FBXL17: variants seen among roughly 807,000 people sequenced by gnomAD.
FBXL17 encodes the protein F-box and leucine rich repeat protein 17.
A neutral mutation model predicts 66.2 loss-of-function variants in FBXL17; 22 were observed. The ratio of observed to expected loss-of-function variants is 0.33; its 90% CI spans 0.24 to 0.47. FBXL17 has a LOEUF of 0.47. Ranked by LOEUF, FBXL17 falls within the 20% of genes least tolerant of loss-of-function variation. The pLI, the probability that FBXL17 is intolerant of heterozygous loss-of-function variation, is 1.00. For missense variants in FBXL17, 878 were observed against 948.2 expected (o/e 0.93, Z 0.97); for synonymous variants, 474 against 400.5 (o/e 1.18, Z -2.19).
intron 4 of FBXL17, among the ~76,000 whole-genome samples, chr5:108,341,572 T>C (rs905324090): frequency 1.3e-5 from 2 of 152,134 alleles, no homozygotes; most frequent in Non-Finnish European, 2.9e-5. Flanking sequence ...TCAAAATAGA[T>C]AAATAAAACA....
Position 108,041,585 on chromosome 5 carries a change from T to G in FBXL17, c.1746-20584A>C, listed in dbSNP as rs371322464. ...GCACATGCCACCACATCTGGCTAATTTTTTTAATTTTTAGTGGAGACGAGG... is the reference window on the plus strand; with the variant it reads ...GCACATGCCACCACATCTGGCTAATGTTTTTAATTTTTAGTGGAGACGAGG... On this transcript the variant is annotated intron_variant, in intron 6 of 8. Coordinates refer to ENST00000542267, the MANE Select transcript of FBXL17 (RefSeq NM_001163315.3). Among the ~76,000 whole-genome samples the G allele has an allele frequency of 1.8e-4, 28 of 151,980 alleles. 2 individuals are homozygous for G. Among genetic ancestry groups the G allele is most frequent in the Admixed American group, 1.1e-3 (17 of 15,250 alleles).
chr5:108,371,362 G>A (rs1749027836), intron 1 of FBXL17, among the ~76,000 whole-genome samples: 1 of 152,176 alleles, frequency 6.6e-6, no homozygotes, highest in Admixed American at 6.5e-5. Context: ...CAGCAGCACA[G>A]GTGGCTGTAT....
At chr5:108,218,265 C>A (rs778926886) in intron 5 of FBXL17, among the ~76,000 whole-genome samples, 2 of 152,000 alleles carry the variant, frequency 1.3e-5, no homozygotes, top group African/African-American at 4.8e-5. Flanking sequence ...ACCTCGGCCT[C>A]CCAAAGTGCT....
chr5:108,293,769 G>A (rs1758219244), intron 4 of FBXL17, among the ~76,000 whole-genome samples: 1 of 151,972 alleles, frequency 6.6e-6, no homozygotes, highest in Non-Finnish European at 1.5e-5. Context: ...GGCCAGGCGT[G>A]GTGGTTCATG....
Position 107,980,279 on chromosome 5 carries a change from GA to G in FBXL17, c.1822+40645del, listed in dbSNP as rs534084351. Among the ~76,000 whole-genome samples the G allele has an allele frequency of 7.6e-4, 115 of 152,156 alleles. 2 individuals carry two copies. In the Middle Eastern group the frequency reaches 0.014, roughly 18 times the overall value. ...ACTTGATGAAGCTTGGCCTATAAGA[GA>G]AAAGACAGAAAGGGGATAAAATAAT... On this transcript the variant is annotated intron_variant, in intron 7 of 8. Coordinates refer to ENST00000542267, the MANE Select transcript of FBXL17 (RefSeq NM_001163315.3).
rs538224164 is a variant in FBXL17 at position 108,220,507 on chromosome 5, T to C, written c.1614+3614A>G. Among the ~76,000 whole-genome samples, 25 of 152,250 alleles carry C rather than the reference T, an allele frequency of 1.6e-4. 1 individual carries two copies. Among genetic ancestry groups the C allele is most frequent in the Non-Finnish European group, 3.4e-4 (23 of 68,040 alleles). Reference sequence around the variant, plus strand: ...GTTTCCTATATTTTGTCTGTTTTTTTAAAGTTGTTTCAGGAAAGAGTAAAT... The same window carrying C: ...GTTTCCTATATTTTGTCTGTTTTTTCAAAGTTGTTTCAGGAAAGAGTAAAT... On this transcript the variant is annotated intron_variant, in intron 5 of 8. Coordinates refer to ENST00000542267, the MANE Select transcript of FBXL17 (RefSeq NM_001163315.3).
intron 8 of FBXL17, chr5:107,879,062 C>T: frequency 1.0e-6 from 1 of 985,432 alleles, no homozygotes; most frequent in Non-Finnish European, 1.2e-6. Context: ...TAACCCATTT[C>T]TTAACTAAAA....
intron 8 of FBXL17, among the ~76,000 whole-genome samples, chr5:107,873,024 C>A (rs1447131099): frequency 6.6e-6 from 1 of 152,178 alleles, no homozygotes; most frequent in Admixed American, 6.5e-5. Flanking sequence ...GAGGCCACTG[C>A]TGACCTTGAA....
intron 5 of FBXL17, among the ~76,000 whole-genome samples, chr5:108,213,281 C>A (rs1201296262): frequency 2.0e-5 from 3 of 152,164 alleles, no homozygotes; most frequent in Non-Finnish European, 4.4e-5. Context: ...GGCTTCAGCA[C>A]CCCTTTCCAG....
chr5:108,382,031 G>GT lies in FBXL17; in HGVS notation c.-341_-340insA. The stretch of plus-strand genomic sequence containing the variant: ...TCAGTCAGTCAGCGGAGCGGCCGGG[G>GT]AAAGGCCGGGTCCCGCTCGGACCAT... On this transcript the variant is annotated 5_prime_UTR_variant, in exon 1 of 9. An upstream open reading frame in the 5' UTR gains an earlier in-frame stop. Transcript: ENST00000542267. 1 of 1,024,146 alleles carries GT rather than the reference G, an allele frequency of 9.8e-7. No individual in the cohort carries two copies. The highest frequency in any genetic ancestry group is 1.2e-6 in the Non-Finnish European group (1 of 831,162). The allele number at this position is 1,024,146 out of a possible 1,614,324, so 63.4% of individuals were successfully genotyped here.
chr5:108,017,363 T>C (rs1434297271), intron 7 of FBXL17, among the ~76,000 whole-genome samples: 1 of 152,142 alleles, frequency 6.6e-6, no homozygotes, highest in African/African-American at 2.4e-5. Context: ...CTAATGTAGG[T>C]CAAATTTCTA....
chr5:108,377,242 T>C (rs1580928527), intron 1 of FBXL17, among the ~76,000 whole-genome samples: 1 of 152,220 alleles, frequency 6.6e-6, no homozygotes, highest in East Asian at 1.9e-4. Context: ...CCTACACATG[T>C]GCATAGTTTC....
chr5:108,288,733 T>C (rs1224898405), intron 4 of FBXL17, among the ~76,000 whole-genome samples: 1 of 151,892 alleles, frequency 6.6e-6, no homozygotes. Context: ...GTGGGGGTAA[T>C]ACAAAGGTAA....
chr5:107,888,023 T>G (rs577460184), intron 7 of FBXL17, among the ~76,000 whole-genome samples: 2 of 152,358 alleles, frequency 1.3e-5, no homozygotes, highest in East Asian at 3.9e-4. Context: ...CTTTTAAATC[T>G]CTTTACTTCT....
chr5:107,946,235 T>C (rs1344419615), intron 7 of FBXL17, among the ~76,000 whole-genome samples: 4 of 127,236 alleles, frequency 3.1e-5, no homozygotes, highest in Non-Finnish European at 6.6e-5. Context: ...TCTAGTATTA[T>C]TACTTTTATC....
At chr5:107,961,992 G>C (rs1365900351) in intron 7 of FBXL17, among the ~76,000 whole-genome samples, 1 of 152,114 alleles carries the variant, frequency 6.6e-6, no homozygotes, top group Non-Finnish European at 1.5e-5. Flanking sequence ...ACAGTGAAAT[G>C]CCTTTGGAAT....
At chr5:108,215,541 CTT>C (rs540149168) in intron 5 of FBXL17, among the ~76,000 whole-genome samples, 1,832 of 152,240 alleles carry the variant, frequency 0.012, 23 homozygotes, top group Non-Finnish European at 0.018. Flanking sequence ...CTATTCAAGT[CTT>C]TTGCACATTT....
At position 108,087,066 on chromosome 5, in the gene FBXL17, T is replaced by C. The variant is rs188733118; in HGVS notation, c.1746-66065A>G. Among the ~76,000 whole-genome samples, 335 of 152,242 alleles carry C rather than the reference T, an allele frequency of 2.2e-3. 2 individuals are homozygous for C. The highest frequency in any genetic ancestry group is 7.4e-3 in the African/African-American group (306 of 41,546). On this transcript the variant is annotated intron_variant, in intron 6 of 8. Coordinates refer to ENST00000542267, the MANE Select transcript of FBXL17 (RefSeq NM_001163315.3). ...TTCCATACACTGTCCATGCACTGAA[T>C]AGGACAAGGTCCAGAACACTCTGGT...
At chr5:108,106,136 G>A (rs111950066) in intron 6 of FBXL17, among the ~76,000 whole-genome samples, 15 of 152,224 alleles carry the variant, frequency 9.9e-5, no homozygotes, top group African/African-American at 3.6e-4. Context: ...TACCATACCA[G>A]AGGTACCATC....
Sources: gnomAD v4.1 joint callset for allele counts (sites outside exome capture counted in the v4.1 genomes callset) on GRCh38, gnomAD v4.1.1 for gene constraint, MANE v1.5 for transcripts, NCBI Gene and HGNC (gene_info 2026-07-23, HGNC 2026-07-21) for gene names.